Variants in SPAG16 observed in about 807,000 individuals in gnomAD.
SPAG16 encodes sperm associated antigen 16.
In SPAG16, 86 loss-of-function variants were observed where a neutral mutation model predicts 80.4. The ratio of observed to expected loss-of-function variants is 1.07; its 90% CI spans 0.90 to 1.28. The LOEUF (loss-of-function observed/expected upper bound fraction) is 1.28. SPAG16 is among the 50% of genes most tolerant of loss of function. The pLI is 0.00. For synonymous variants in SPAG16, 294 were observed against 265.9 expected, an observed-to-expected ratio of 1.11 and a Z score of -1.03; for missense variants, 870 against 765.3, an observed-to-expected ratio of 1.14 and a Z score of -1.61.
At chr2:213,981,133 A>G (rs994633052) in intron 12 of SPAG16, among the ~76,000 whole-genome samples, 3 of 150,818 alleles carry the variant, frequency 2.0e-5, no homozygotes, top group Non-Finnish European at 3.0e-5. Flanking sequence ...CTGCCTTCTC[A>G]CTGTGTCCTC....
intron 15 of SPAG16, among the ~76,000 whole-genome samples, chr2:214,391,966 A>G (rs1416412848): frequency 6.6e-6 from 1 of 152,174 alleles, no homozygotes; most frequent in African/African-American, 2.4e-5. Flanking sequence ...CAAAATATGA[A>G]CACAACGCAG....
At chr2:214,351,537 T>TAA (rs34992362) in intron 15 of SPAG16, among the ~76,000 whole-genome samples, 25 of 151,154 alleles carry the variant, frequency 1.7e-4, no homozygotes, top group Non-Finnish European at 1.9e-4. Flanking sequence ...CCGTTTCTAC[T>TAA]AAAAAAATAC....
At chr2:214,312,246 A>T (rs925011220) in intron 15 of SPAG16, among the ~76,000 whole-genome samples, 1 of 152,182 alleles carries the variant, frequency 6.6e-6, no homozygotes, top group African/African-American at 2.4e-5. Context: ...AAAACAAAAG[A>T]AAAACCCTCC....
chr2:214,336,935 T>C (rs993236329), intron 15 of SPAG16, among the ~76,000 whole-genome samples: 3 of 42,486 alleles, frequency 7.1e-5, no homozygotes, highest in Non-Finnish European at 3.9e-4. Context: ...AGTTCTCTGC[T>C]GTTGAATGAG....
chr2:214,255,899 A>G (rs1181143314), intron 15 of SPAG16, among the ~76,000 whole-genome samples: 2 of 151,928 alleles, frequency 1.3e-5, no homozygotes, highest in South Asian at 2.1e-4. Flanking sequence ...GTTTTCAGAT[A>G]TTATCAATAA....
intron 10 of SPAG16, among the ~76,000 whole-genome samples, chr2:213,554,647 A>G (rs1232524741): frequency 6.6e-6 from 1 of 152,110 alleles, no homozygotes. Flanking sequence ...TAAGCAACAA[A>G]AATGATAGAG....
At chr2:213,427,991 G>A (rs927719415) in intron 9 of SPAG16, among the ~76,000 whole-genome samples, 11 of 152,200 alleles carry the variant, frequency 7.2e-5, no homozygotes, top group Admixed American at 3.3e-4. Context: ...GGTCTCTTAT[G>A]TAGTTAAACA....
chr2:214,042,241 G>A (rs1210975150), intron 13 of SPAG16, among the ~76,000 whole-genome samples: 1 of 151,442 alleles, frequency 6.6e-6, no homozygotes, highest in Middle Eastern at 3.2e-3. Context: ...TTACAGACGT[G>A]CATCACCATG....
At position 214,248,934 on chromosome 2, in the gene SPAG16, C is replaced by A. The variant is rs114655555; in HGVS notation, c.1720+99668C>A. ...GAGAAGACTGTTCTAAAAACTGGAACCACAGCAGATAAAAGTTTTAAGGCA... is the reference window on the plus strand; with the variant it reads ...GAGAAGACTGTTCTAAAAACTGGAAACACAGCAGATAAAAGTTTTAAGGCA... On this transcript the variant is annotated intron_variant, in intron 15 of 15. Coordinates refer to ENST00000331683, the MANE Select transcript of SPAG16 (RefSeq NM_024532.5). Among the ~76,000 whole-genome samples, 91 of 152,088 alleles carry A rather than the reference C, an allele frequency of 6.0e-4. 1 individual carries two copies. The highest frequency in any genetic ancestry group is 2.0e-3 in the African/African-American group (83 of 41,488).
chr2:214,291,294 A>C (rs1224221194), intron 15 of SPAG16, among the ~76,000 whole-genome samples: 2 of 98,202 alleles, frequency 2.0e-5, no homozygotes, highest in African/African-American at 8.2e-5. Context: ...TATTTAGATC[A>C]TGTTTCTTTT....
In SPAG16 at chr2:214,182,358, A is replaced by G. The variant is rs182111948; in HGVS notation, c.1720+33092A>G. ...CCAGTAGTACACTGGATATTCTTAA[A>G]TACCGTCTATGCCTTTTCAAAGTAT... On this transcript the variant is annotated intron_variant, in intron 15 of 15. Coordinates refer to ENST00000331683, the MANE Select transcript of SPAG16 (RefSeq NM_024532.5). 3.9e-3 allele frequency among the ~76,000 whole-genome samples: 594 copies of G among 151,896 alleles called. 1 individual carries two copies. The highest frequency in any genetic ancestry group is 0.014 in the African/African-American group (563 of 41,490).
chr2:214,364,552 C>A (rs969144689), intron 15 of SPAG16, among the ~76,000 whole-genome samples: 1 of 152,034 alleles, frequency 6.6e-6, no homozygotes. Context: ...GTATCCTCAC[C>A]GTCTTTGCAA....
At chr2:213,807,028 T>G (rs562730649) in intron 10 of SPAG16, among the ~76,000 whole-genome samples, 3 of 152,286 alleles carry the variant, frequency 2.0e-5, no homozygotes, top group South Asian at 2.1e-4. Context: ...AAAATCTACT[T>G]CCTTACATCC....
intron 9 of SPAG16, among the ~76,000 whole-genome samples, chr2:213,391,520 A>G (rs943339664): frequency 2.0e-5 from 3 of 152,130 alleles, no homozygotes; most frequent in Non-Finnish European, 2.9e-5. Context: ...CCTAATTTCT[A>G]TGTTTCCATC....
chr2:213,637,515 G>C (rs910579689), intron 10 of SPAG16, among the ~76,000 whole-genome samples: 1 of 152,114 alleles, frequency 6.6e-6, no homozygotes, highest in African/African-American at 2.4e-5. Flanking sequence ...AGTAGGATTG[G>C]TACCAATTCT....
chr2:213,805,277 G>C (rs1332608960), intron 10 of SPAG16, among the ~76,000 whole-genome samples: 1 of 152,108 alleles, frequency 6.6e-6, no homozygotes, highest in East Asian at 1.9e-4. Flanking sequence ...CAAGAAAGGA[G>C]AGGCCAGTCT....
intron 15 of SPAG16, among the ~76,000 whole-genome samples, chr2:214,218,425 A>G (rs1007022179): frequency 1.3e-4 from 20 of 152,168 alleles, no homozygotes; most frequent in Non-Finnish European, 2.5e-4. Flanking sequence ...ACGGAAAAAT[A>G]CTAGAGACCC....
chr2:213,815,194 G>A (rs372560218), intron 10 of SPAG16, among the ~76,000 whole-genome samples: 16 of 152,100 alleles, frequency 1.1e-4, no homozygotes, highest in East Asian at 3.9e-4. Flanking sequence ...TTTGCATCCT[G>A]AGAGCATTTT....
chr2:213,450,894 A>G (rs1346607385), intron 9 of SPAG16, among the ~76,000 whole-genome samples: 1 of 152,204 alleles, frequency 6.6e-6, no homozygotes, highest in East Asian at 1.9e-4. Flanking sequence ...AGGTAGGACT[A>G]TGCTTTGTGA....
Sources: gnomAD v4.1 joint callset for allele counts (sites outside exome capture counted in the v4.1 genomes callset) on GRCh38, gnomAD v4.1.1 for gene constraint, MANE v1.5 for transcripts, NCBI Gene and HGNC (gene_info 2026-07-23, HGNC 2026-07-21) for gene names.